Variants in UCHL1 observed in about 807,000 individuals in gnomAD.
UCHL1 encodes ubiquitin C-terminal hydrolase L1.
A neutral mutation model predicts 33.3 loss-of-function variants in UCHL1; 5 were observed. The observed-to-expected ratio is 0.15, with a 90% CI of 0.08 to 0.32. The LOEUF (loss-of-function observed/expected upper bound fraction) is 0.32, where lower values mean the gene tolerates loss of function less well. UCHL1 is among the 10% of genes least tolerant of loss of function. UCHL1 has a pLI of 1.00. For missense variants in UCHL1, 236 were observed against 280.0 expected, an observed-to-expected ratio of 0.84 and a Z score of 1.12; for synonymous variants, 132 against 108.8, an observed-to-expected ratio of 1.21 and a Z score of -1.33.
In UCHL1 at chr4:41,261,791, A is replaced by G. The variant is rs1180363429; in HGVS notation, c.402A>G (p.Glu134=). Residue 134 remains glutamate, a synonymous_variant, in exon 5 of 9, where the codon GAA becomes GAG. Transcript: ENST00000284440. ...CTGAAGACAGAGCAAAATGCTTTGA[A>G]AAGAATGAGGTAAGAGAACTTACAG... ...MSPEDRAKCF[E]KNEAIQAAHD... 5.6e-6 allele frequency: 9 copies of G among 1,614,098 alleles called. No homozygotes were observed. The East Asian group carries it at 1.8e-4, about 32-fold the overall frequency.
At position 41,257,954 on chromosome 4, in the gene UCHL1, A is replaced by G. The variant is rs1580923283; in HGVS notation, c.174+217A>G. Among the ~76,000 whole-genome samples, 5 of 152,320 alleles carry G rather than the reference A, an allele frequency of 3.3e-5. No individual in the cohort carries two copies. In the South Asian group the frequency reaches 1.0e-3, roughly 32 times the overall value. On this transcript the variant is annotated intron_variant, in intron 3 of 8. Transcript: ENST00000284440. The stretch of plus-strand genomic sequence containing the variant: ...TTGCCCATCCGTCCACAATTGCCTT[A>G]AATTTGGAAGAGAGGCAGTATCTCA...
At position 41,264,732 on chromosome 4, in the gene UCHL1, C is replaced by T. The variant is rs114608292; in HGVS notation, c.585+571C>T. ...GTGATTCTGGGCAAAGGTTGGTAGA[C>T]GACCCTAGGCCTCTTCACTAAAAAA... On this transcript the variant is annotated intron_variant, in intron 8 of 8. Transcript: ENST00000284440. Among the ~76,000 whole-genome samples, 919 of 152,240 alleles carry T rather than the reference C, an allele frequency of 6.0e-3. 8 individuals are homozygous for T. Among genetic ancestry groups the T allele is most frequent in the African/African-American group, 0.021 (864 of 41,534 alleles).
chr4:41,263,894 G>A (rs775031970), intron 7 of UCHL1, among the ~76,000 whole-genome samples: 30 of 152,238 alleles, frequency 2.0e-4, no homozygotes, highest in Non-Finnish European at 2.6e-4. Flanking sequence ...GAGCTTGTGC[G>A]ATCTTGTCAA....
chr4:41,263,791 A>G (rs373242263), intron 7 of UCHL1, among the ~76,000 whole-genome samples: 1 of 152,174 alleles, frequency 6.6e-6, no homozygotes, highest in South Asian at 2.1e-4. Context: ...TCTCGCCTCC[A>G]TCTTCCCTAT....
rs1031055374 is a variant in UCHL1 at position 41,267,928 on chromosome 4, A to G, written c.586-59A>G. 3.5e-6 allele frequency: 5 copies of G among 1,427,766 alleles called. No homozygotes were observed. The African/African-American group carries it at 5.6e-5, about 16-fold the overall frequency. The allele number at this position is 1,427,766 out of a possible 1,614,324, so 88.4% of individuals were successfully genotyped here. A position where few individuals can be genotyped will look rare whatever the true frequency, so the allele number is the denominator to read the frequency against. ...TTAATAGACCTTGGAGCCTTTCCCT[A>G]TGTGACTTTCATTTTGAGCTCTTGC... is the stretch of plus-strand genomic sequence containing the variant. On this transcript the variant is annotated intron_variant, in intron 8 of 8. Coordinates refer to ENST00000284440, the MANE Select transcript of UCHL1 (RefSeq NM_004181.5).
chr4:41,257,446 G>T (rs1780996602), intron 2 of UCHL1, 163 bp from the exon 3 acceptor site: 4 of 1,047,994 alleles, frequency 3.8e-6, no homozygotes, highest in Non-Finnish European at 1.3e-6. Flanking sequence ...GCTTTGTGCT[G>T]TGTCATTGCG....
intron 2 of UCHL1, chr4:41,257,398 C>T (rs1780995367): frequency 4.5e-6 from 4 of 879,720 alleles, no homozygotes; most frequent in South Asian, 3.9e-5. Context: ...AGCACAGACT[C>T]GGCTGCACGG....
At chr4:41,257,292 C>T (rs1780992894) in intron 2 of UCHL1, 166 bp downstream of exon 2, 5 of 1,184,582 alleles carry the variant, frequency 4.2e-6, no homozygotes, top group Middle Eastern at 2.9e-4. Context: ...CTGCATTTAG[C>T]GGGTGACTCT....
chr4:41,257,362 G>T (rs1336632772), intron 2 of UCHL1: 9 of 918,362 alleles, frequency 9.8e-6, no homozygotes, highest in South Asian at 1.8e-5. Context: ...AGCGCCAGGC[G>T]GAGCTCCCGA....
intron 8 of UCHL1, among the ~76,000 whole-genome samples, chr4:41,267,436 C>T (rs1009350873): frequency 1.3e-5 from 2 of 152,054 alleles, no homozygotes; most frequent in African/African-American, 2.4e-5. Context: ...TTAGTAGAGA[C>T]GTGGTTTCAC....
chr4:41,263,264 A>G lies in UCHL1; in HGVS notation c.499A>G (p.Asn167Asp), dbSNP rs1336148151. ...GAATTTCCATTTTATTCTGTTTAAC[A>G]ACGTGGATGGCCACCTCTATGAACT... ...KVNFHFILFNNVDGHLYELDG... is the reference protein window; with the variant it reads ...KVNFHFILFNDVDGHLYELDG... The change falls in exon 7 of 9, where the codon AAC becomes GAC. Residue 167 changes from asparagine (N) to aspartate (D), a missense_variant. Transcript: ENST00000284440. 6.2e-7 allele frequency: 1 copy of G among 1,614,148 alleles called. No individual in the cohort carries two copies. Among genetic ancestry groups the G allele is most frequent in the South Asian group, 1.1e-5 (1 of 91,078 alleles).
At chr4:41,257,167 G>A in intron 2 of UCHL1, 41 bp downstream of exon 2, 1 of 1,611,342 alleles carries the variant, frequency 6.2e-7, no homozygotes, top group Non-Finnish European at 8.5e-7. Flanking sequence ...CCTCCCCCGC[G>A]AGCGCCGAGG....
At chr4:41,261,599 A>T in intron 4 of UCHL1, 116 bp from the exon 5 acceptor site, 1 of 1,082,722 alleles carries the variant, frequency 9.2e-7, no homozygotes, top group Non-Finnish European at 1.4e-6. Flanking sequence ...ACAACCCTGG[A>T]GGCAGTATTA....
At chr4:41,264,697 G>A (rs1199935572) in intron 8 of UCHL1, among the ~76,000 whole-genome samples, 1 of 152,134 alleles carries the variant, frequency 6.6e-6, no homozygotes, top group Non-Finnish European at 1.5e-5. Context: ...TAACCATCCT[G>A]GACAGAAAAG....
chr4:41,260,751 C>T lies in UCHL1; in HGVS notation c.279C>T (p.Ile93=), dbSNP rs121917767. 1.2e-5 allele frequency: 19 copies of T among 1,614,172 alleles called. No individual in the cohort carries two copies. The highest frequency in any genetic ancestry group is 2.7e-5 in the African/African-American group (2 of 75,046). ...CCATTGGGAATTCCTGTGGCACAAT[C>T]GGACTTATTCACGCAGTGGCCAATA... ...KQTIGNSCGT[I]GLIHAVANNQ... The change falls in exon 4 of 9, where the codon ATC becomes ATT. Residue 93 remains isoleucine, a synonymous_variant. Transcript: ENST00000284440.
intron 8 of UCHL1, chr4:41,264,373 C>G: frequency 1.6e-6 from 1 of 623,790 alleles, no homozygotes; most frequent in Non-Finnish European, 2.8e-6. Context: ...CCTGAGTAAT[C>G]TGTTTCATGT....
At chr4:41,264,244 C>A in intron 8 of UCHL1, 83 bp downstream of exon 8, 1 of 1,549,168 alleles carries the variant, frequency 6.5e-7, no homozygotes, top group Non-Finnish European at 8.9e-7. Flanking sequence ...AACACTCTTC[C>A]AGTATAGCCA....
chr4:41,259,429 G>A (rs1449511626), intron 3 of UCHL1, among the ~76,000 whole-genome samples: 1 of 152,146 alleles, frequency 6.6e-6, no homozygotes, highest in Admixed American at 6.5e-5. Flanking sequence ...AATTAGCCTA[G>A]AAAATGAAAA....
chr4:41,263,359 A>C, intron 7 of UCHL1, 68 bp downstream of exon 7: 2 of 1,448,042 alleles, frequency 1.4e-6, no homozygotes, highest in Non-Finnish European at 1.9e-6. Context: ...ATTTCTCTTG[A>C]TATATTGTGT....
Sources: gnomAD v4.1 joint callset for allele counts (sites outside exome capture counted in the v4.1 genomes callset) on GRCh38, gnomAD v4.1.1 for gene constraint, MANE v1.5 for transcripts, NCBI Gene and HGNC (gene_info 2026-07-23, HGNC 2026-07-21) for gene names.